Variants in ALX3 observed in about 807,000 individuals in gnomAD.
ALX3 encodes the protein ALX homeobox 3, also known as homeobox protein aristaless-like 3.
Under a neutral mutation model 26.3 loss-of-function variants are expected in ALX3, and 17 were observed. That is an observed-to-expected ratio of 0.65 (90% CI 0.44 to 0.97). ALX3 has a LOEUF of 0.97. ALX3 is among the 50% of genes least tolerant of loss of function. ALX3 has a pLI of 0.00. For missense variants in ALX3, 461 were observed against 466.5 expected (o/e 0.99, Z 0.11); for synonymous variants, 208 against 201.4 (o/e 1.03, Z -0.28).
Position 110,060,607 on chromosome 1 carries a change from G to A in ALX3, c.*126C>T. ...ACCCTGTAACGTGTTCCCTGCTGGG[G>A]GCTGACAGTGCCAGCTGCTCTCGCA... On this transcript the variant is annotated 3_prime_UTR_variant, in exon 4 of 4. Transcript: ENST00000647563. 3.2e-6 allele frequency: 2 copies of A among 623,460 alleles called. No homozygotes were observed. The highest frequency in any genetic ancestry group is 4.4e-5 in the Admixed American group (1 of 22,776). The allele number at this position is 623,460 out of a possible 1,614,324, so 38.6% of individuals were successfully genotyped here.
intron 3 of ALX3, 59 bp downstream of exon 3, chr1:110,061,376 C>T: frequency 6.2e-7 from 1 of 1,613,662 alleles, no homozygotes. Context: ...TCAGGCCAGA[C>T]CTCATATTCT....
At chr1:110,069,045 G>C (rs1453199264) in intron 1 of ALX3, among the ~76,000 whole-genome samples, 1 of 152,246 alleles carries the variant, frequency 6.6e-6, no homozygotes, top group Non-Finnish European at 1.5e-5. Flanking sequence ...GAGCCAGGCC[G>C]GGTACCTGTC....
At chr1:110,064,017 C>G (rs891136083) in intron 2 of ALX3, among the ~76,000 whole-genome samples, 2 of 149,544 alleles carry the variant, frequency 1.3e-5, no homozygotes, top group African/African-American at 2.5e-5. Flanking sequence ...CCCAGCCAGC[C>G]TTTCCCAGCC....
At chr1:110,062,361 G>A (rs1427582851) in intron 2 of ALX3, 2 of 152,284 alleles carry the variant, frequency 1.3e-5, no homozygotes, top group African/African-American at 4.8e-5. Flanking sequence ...GGCAGATAGG[G>A]GTGGCACATC....
At chr1:110,069,407 G>C (rs893182679) in intron 1 of ALX3, among the ~76,000 whole-genome samples, 1 of 152,242 alleles carries the variant, frequency 6.6e-6, no homozygotes, top group East Asian at 1.9e-4. Flanking sequence ...GATAAGGTGG[G>C]TGCAGTGCGG....
At chr1:110,070,267 C>T (rs1653885297) in intron 1 of ALX3, 69 bp downstream of exon 1, 2 of 1,277,158 alleles carry the variant, frequency 1.6e-6, no homozygotes, top group Non-Finnish European at 2.0e-6. Flanking sequence ...CAGGAAGGCC[C>T]GGGTGGGCCC....
chr1:110,059,973 C>T lies in ALX3; in HGVS notation c.*760G>A, dbSNP rs1653588878. 1 of 148,674 alleles carries T rather than the reference C, an allele frequency of 6.7e-6. No individual in the cohort carries two copies. The highest frequency in any genetic ancestry group is 2.5e-5 in the African/African-American group (1 of 40,068). The allele number at this position is 148,674 out of a possible 1,614,324, so 9.2% of individuals were successfully genotyped here. ...CAAAAAAAACACAAAAGTGTCTGTA[C>T]AAAAATGGGGATCAGGATCTCAGTC... On this transcript the variant is annotated 3_prime_UTR_variant, in exon 4 of 4. Transcript: ENST00000647563.
At chr1:110,066,572 T>TCCCCCCCCCCCCCC (rs71580517) in intron 1 of ALX3, among the ~76,000 whole-genome samples, 27 of 72,600 alleles carry the variant, frequency 3.7e-4, no homozygotes, top group Admixed American at 8.6e-4. Context: ...GAATGGGACA[T>TCCCCCCCCCCCCCC]CCCCCCCCCC....
intron 1 of ALX3, among the ~76,000 whole-genome samples, chr1:110,065,955 T>G (rs74117335): frequency 0.022 from 3,419 of 152,276 alleles, 138 homozygotes; most frequent in African/African-American, 0.079. Flanking sequence ...AACAGTCCAC[T>G]GGGATGGCAG....
At position 110,060,994 on chromosome 1, in the gene ALX3, G is replaced by T. The variant is rs935489685; in HGVS notation, c.771C>A (p.Gly257=). 3 of 1,612,074 alleles carry T rather than the reference G, an allele frequency of 1.9e-6. No individual in the cohort carries two copies. The highest frequency in any genetic ancestry group is 1.3e-5 in the African/African-American group (1 of 75,020). Residue 257 remains glycine (G), a synonymous_variant, in exon 4 of 4, where the codon GGC becomes GGA. Transcript: ENST00000647563. ...TGCCCTCTGGAGACACAAGGCAGGG[G>T]CCTCCAGGGCTCCCAGATCCTGGAC... The part of the protein sequence containing the change: ...WASPGSGSPG[G]PCLVSPEGIP...
intron 1 of ALX3, among the ~76,000 whole-genome samples, chr1:110,065,180 T>C (rs528521649): frequency 2.0e-5 from 3 of 152,236 alleles, no homozygotes; most frequent in African/African-American, 7.2e-5. Flanking sequence ...AAGTGCTCTG[T>C]GGTGGTGCGT....
rs2101797218 is a variant in ALX3 at position 110,064,789 on chromosome 1, C to T, written c.392G>A (p.Ser131Asn). 2 of 1,614,158 alleles carry T rather than the reference C, an allele frequency of 1.2e-6. No homozygotes were observed. The highest frequency in any genetic ancestry group is 2.2e-5 in the South Asian group (2 of 91,086). ...LQGSPGPCLA[S>N]LHLPLSPGLP... Reference sequence around the variant, plus strand: ...TCCCGGGGAAAGAGGAAGATGCAGGCTGGCCAGGCAGGGGCCTGGGGAGCC... The same window carrying T: ...TCCCGGGGAAAGAGGAAGATGCAGGTTGGCCAGGCAGGGGCCTGGGGAGCC... The change falls in exon 2 of 4, where the codon AGC (serine) becomes AAC (asparagine). Residue 131 changes from serine to asparagine, a missense_variant. Coordinates refer to ENST00000647563, the MANE Select transcript of ALX3 (RefSeq NM_006492.3).
rs1653658485 is a variant in ALX3 at position 110,061,915 on chromosome 1, G to A, written c.595-352C>T. On this transcript the variant is annotated intron_variant, in intron 2 of 3. Transcript: ENST00000647563. ...TGGGTATACTGTGTACATGTGTTGG[G>A]TTTCTAGTCTCCCTGCCTCATCTCC... 5.2e-5 allele frequency: 14 copies of A among 270,858 alleles called. 1 individual carries two copies. The South Asian group carries it at 8.0e-4, about 16-fold the overall frequency. 16.8% of individuals were successfully genotyped at this position (270,858 alleles called of 1,614,324 possible). A position where few individuals can be genotyped will look rare whatever the true frequency, so the allele number is the denominator to read the frequency against.
chr1:110,060,855 GA>G lies in ALX3; in HGVS notation c.909del (p.Thr306ProfsTer25). On this transcript the variant is annotated frameshift_variant, in exon 4 of 4. Transcript: ENST00000647563. LOFTEE classifies it high-confidence loss of function. ...AHPGIYSIHGFPPTLGGHSFE... is the reference protein window; with the variant it reads ...AHPGIYSIHGXPPTLGGHSFE... ...AAGCTGTGGCCCCCCAGGGTGGGGG[GA>G]AAGCCATGGATGGAGTAGATGCCAG... The G allele has an allele frequency of 1.9e-6, 3 of 1,614,032 alleles. No individual in the cohort carries two copies. The highest frequency in any genetic ancestry group is 2.5e-6 in the Non-Finnish European group (3 of 1,180,012).
chr1:110,066,326 A>C (rs918294283), intron 1 of ALX3, among the ~76,000 whole-genome samples: 3 of 152,216 alleles, frequency 2.0e-5, no homozygotes, highest in Non-Finnish European at 4.4e-5. Flanking sequence ...GCCTTGGACC[A>C]TGCCCAGCCT....
In ALX3 at chr1:110,064,005, CTCCCAGCCAGCCTT is replaced by C. The variant is rs559130326; in HGVS notation, c.594+568_594+581del. Among the ~76,000 whole-genome samples, 1,210 of 151,996 alleles carry C rather than the reference CTCCCAGCCAGCCTT, an allele frequency of 8.0e-3. 13 individuals are homozygous for C. Among genetic ancestry groups the C allele is most frequent in the African/African-American group, 0.026 (1,058 of 41,450 alleles). On this transcript the variant is annotated intron_variant, in intron 2 of 3. Coordinates refer to ENST00000647563, the MANE Select transcript of ALX3 (RefSeq NM_006492.3). ...GGGATTTTGTTAGGATGGGGAAGGG[CTCCCAGCCAGCCTT>C]TCCCAGCCAGCCTTTCCCAGCCAGG...
chr1:110,059,957 C>T lies in ALX3; in HGVS notation c.*776G>A, dbSNP rs1001270841. The T allele has an allele frequency of 1.4e-5, 2 of 146,544 alleles. No homozygotes were observed. The highest frequency in any genetic ancestry group is 5.1e-5 in the African/African-American group (2 of 39,352). 9.1% of individuals were successfully genotyped at this position (146,544 alleles called of 1,614,324 possible). Reference sequence around the variant, plus strand: ...TTTTTTTTTTTTTAAACAAAAAAAACACAAAAGTGTCTGTACAAAAATGGG... The same window carrying T: ...TTTTTTTTTTTTTAAACAAAAAAAATACAAAAGTGTCTGTACAAAAATGGG... On this transcript the variant is annotated 3_prime_UTR_variant, in exon 4 of 4. Transcript: ENST00000647563.
intron 1 of ALX3, 145 bp downstream of exon 1, chr1:110,070,191 C>T: frequency 2.1e-6 from 2 of 961,908 alleles, no homozygotes; most frequent in Non-Finnish European, 2.7e-6. Context: ...ACCCGGCTTC[C>T]GTGGAAGCCG....
Position 110,060,528 on chromosome 1 carries a change from G to T in ALX3, c.*205C>A. 1 of 475,956 alleles carries T rather than the reference G, an allele frequency of 2.1e-6. No homozygotes were observed. The highest frequency in any genetic ancestry group is 3.8e-5 in the Admixed American group (1 of 26,546). The allele number at this position is 475,956 out of a possible 1,614,324, so 29.5% of individuals were successfully genotyped here. A position where few individuals can be genotyped will look rare whatever the true frequency, so the allele number is the denominator to read the frequency against. On this transcript the variant is annotated 3_prime_UTR_variant, in exon 4 of 4. Coordinates refer to ENST00000647563, the MANE Select transcript of ALX3 (RefSeq NM_006492.3). ...CTCAGTTTGTGGTAGGAAGAGTCCTGGCTGCTTCGAAGCCCCTTCTCCTAG... is the reference window on the plus strand; with the variant it reads ...CTCAGTTTGTGGTAGGAAGAGTCCTTGCTGCTTCGAAGCCCCTTCTCCTAG...
Sources: gnomAD v4.1 joint callset for allele counts (sites outside exome capture counted in the v4.1 genomes callset) on GRCh38, gnomAD v4.1.1 for gene constraint, MANE v1.5 for transcripts, NCBI Gene and HGNC (gene_info 2026-07-23, HGNC 2026-07-21) for gene names.